Variants in SOX5 observed in about 807,000 individuals in gnomAD.
The protein encoded by SOX5 is SRY-box transcription factor 5, also known as transcription factor SOX-5.
In SOX5, 9 loss-of-function variants were observed where a neutral mutation model predicts 92.0. The observed-to-expected ratio is 0.10, with a 90% confidence interval of 0.06 to 0.17. The LOEUF (loss-of-function observed/expected upper bound fraction) is 0.17, where lower values mean the gene tolerates loss of function less well. Ranked by LOEUF, SOX5 falls within the 10% of genes least tolerant of loss-of-function variation. The pLI is 1.00. For missense variants in SOX5, 642 were observed against 944.5 expected (o/e 0.68, Z 4.20); for synonymous variants, 344 against 336.3 (o/e 1.02, Z -0.25).
chr12:24,230,376 A>G (rs1963112026), intron 3 of SOX5, among the ~76,000 whole-genome samples: 1 of 152,142 alleles, frequency 6.6e-6, no homozygotes, highest in Non-Finnish European at 1.5e-5. Flanking sequence ...GGAACCAGCT[A>G]TTTACCGGTA....
At chr12:24,303,931 A>G (rs1278858798) in intron 2 of SOX5, among the ~76,000 whole-genome samples, 1 of 152,200 alleles carries the variant, frequency 6.6e-6, no homozygotes, top group Non-Finnish European at 1.5e-5. Flanking sequence ...GGGGAAAGAC[A>G]ATTGTTCAAT....
intron 3 of SOX5, among the ~76,000 whole-genome samples, chr12:24,267,660 C>A (rs1001648515): frequency 1.3e-5 from 2 of 152,062 alleles, no homozygotes; most frequent in Admixed American, 6.6e-5. Flanking sequence ...CTTGTTAGGA[C>A]AACTTCTTTG....
intron 3 of SOX5, among the ~76,000 whole-genome samples, chr12:23,834,369 G>A (rs2096379596): frequency 6.6e-6 from 1 of 151,886 alleles, no homozygotes. Flanking sequence ...TCAATGCTAA[G>A]GAATTTTTAG....
At chr12:24,018,756 C>T (rs1177112602) in intron 4 of SOX5, among the ~76,000 whole-genome samples, 3 of 151,978 alleles carry the variant, frequency 2.0e-5, no homozygotes, top group African/African-American at 7.2e-5. Flanking sequence ...GAGATCACAC[C>T]CATTGCACTC....
intron 4 of SOX5, among the ~76,000 whole-genome samples, chr12:24,111,963 A>G (rs1947401201): frequency 6.6e-6 from 1 of 152,242 alleles, no homozygotes; most frequent in Non-Finnish European, 1.5e-5. Flanking sequence ...ACCATCACCA[A>G]GAATGGTGAC....
chr12:23,981,947 C>T lies in SOX5; in HGVS notation c.-1-85923G>A, dbSNP rs570344003. On this transcript the variant is annotated intron_variant, in intron 4 of 4. Coordinates refer to the SOX5 transcript ENST00000446891. ...TGTCATTGTAATATTTATGGCAATA[C>T]TCTATTATAATATTTAATAATTTAA... 3.3e-4 allele frequency among the ~76,000 whole-genome samples: 50 copies of T among 152,018 alleles called. No homozygotes were observed. The Middle Eastern group carries it at 0.01, about 31-fold the overall frequency.
chr12:24,365,693 T>A (rs1565996385), intron 2 of SOX5, among the ~76,000 whole-genome samples: 2 of 151,040 alleles, frequency 1.3e-5, no homozygotes, highest in African/African-American at 2.4e-5. Context: ...AATACTTTTT[T>A]AACTGAAGTT....
At chr12:24,215,423 T>C (rs984220600) in intron 3 of SOX5, among the ~76,000 whole-genome samples, 16 of 152,128 alleles carry the variant, frequency 1.1e-4, no homozygotes, top group African/African-American at 3.6e-4. Flanking sequence ...AGTTGATCAA[T>C]ATATAAAAAT....
At chr12:23,557,225 C>T (rs554418143) in intron 11 of SOX5, among the ~76,000 whole-genome samples, 13 of 152,182 alleles carry the variant, frequency 8.5e-5, no homozygotes, top group Middle Eastern at 3.4e-3. Context: ...GAATATGACT[C>T]AGAAAGGGTC....
chr12:24,012,845 C>T (rs184352158), intron 4 of SOX5, among the ~76,000 whole-genome samples: 106 of 152,228 alleles, frequency 7.0e-4, no homozygotes, highest in African/African-American at 2.4e-3. Flanking sequence ...ACATCACTAG[C>T]GCAATGGAGA....
chr12:23,872,721 G>A (rs1480703055), intron 2 of SOX5, among the ~76,000 whole-genome samples: 1 of 152,174 alleles, frequency 6.6e-6, no homozygotes, highest in Admixed American at 6.5e-5. Flanking sequence ...TATATAGGTT[G>A]TGAGTTTTAT....
At chr12:23,571,635 G>A (rs990938260) in intron 10 of SOX5, among the ~76,000 whole-genome samples, 1 of 152,190 alleles carries the variant, frequency 6.6e-6, no homozygotes, top group African/African-American at 2.4e-5. Context: ...AATAGATCAT[G>A]GTTATAAGGC....
In SOX5 at chr12:23,902,859, T is replaced by C. The variant is rs73280156; in HGVS notation, c.39-6835A>G. On this transcript the variant is annotated intron_variant, in intron 1 of 14. Transcript: ENST00000451604. Reference sequence around the variant, plus strand: ...TCTACACCAAATGAGACACAATTAATAATAGGGCAGTATAATTCCTAGCAC... The same window carrying C: ...TCTACACCAAATGAGACACAATTAACAATAGGGCAGTATAATTCCTAGCAC... 3.7e-3 allele frequency among the ~76,000 whole-genome samples: 567 copies of C among 152,316 alleles called. 2 individuals are homozygous for C. Among genetic ancestry groups the C allele is most frequent in the African/African-American group, 0.013 (540 of 41,564 alleles).
intron 3 of SOX5, among the ~76,000 whole-genome samples, chr12:24,252,549 T>C (rs990558774): frequency 6.6e-6 from 1 of 152,090 alleles, no homozygotes. Flanking sequence ...GTTTCATCTA[T>C]TTGCATTTAA....
intron 1 of SOX5, among the ~76,000 whole-genome samples, chr12:24,485,427 C>T (rs920310597): frequency 6.6e-6 from 1 of 152,066 alleles, no homozygotes; most frequent in East Asian, 1.9e-4. Flanking sequence ...TTGTGAAAAA[C>T]GAATTGTTCA....
chr12:23,600,522 C>CATATAT (rs371480644), intron 9 of SOX5, among the ~76,000 whole-genome samples: 2,636 of 39,662 alleles, frequency 0.066, 262 homozygotes, highest in South Asian at 0.1. Flanking sequence ...GGGGGGGGTG[C>CATATAT]ATATATATAT....
intron 4 of SOX5, among the ~76,000 whole-genome samples, chr12:24,012,616 C>T (rs1953079201): frequency 6.6e-6 from 1 of 152,138 alleles, no homozygotes; most frequent in African/African-American, 2.4e-5. Context: ...TACTTGTCAC[C>T]TATGGCTTAA....
In SOX5 at chr12:23,795,551, G is replaced by T; in HGVS notation, c.482-39827C>A. On this transcript the variant is annotated intron_variant, in intron 3 of 14. Transcript: ENST00000451604. ...TCAGATCGAGCCAAATGTGAGGGTG[G>T]TTTTTGTGATGTGGGATAAGCACGT... Among the ~76,000 whole-genome samples, 2 of 152,038 alleles carry T rather than the reference G, an allele frequency of 1.3e-5. 1 individual carries two copies. The highest frequency in any genetic ancestry group is 3.9e-4 in the East Asian group (2 of 5,178).
At chr12:24,001,099 T>TA (rs1349306302) in intron 4 of SOX5, among the ~76,000 whole-genome samples, 1 of 152,138 alleles carries the variant, frequency 6.6e-6, no homozygotes, top group Non-Finnish European at 1.5e-5. Flanking sequence ...AACTAGATTT[T>TA]AAAAAAATTG....
Sources: gnomAD v4.1 joint callset for allele counts (sites outside exome capture counted in the v4.1 genomes callset) on GRCh38, gnomAD v4.1.1 for gene constraint, MANE v1.5 for transcripts, NCBI Gene and HGNC (gene_info 2026-07-23, HGNC 2026-07-21) for gene names.